Variants in SBF1 observed in about 807,000 individuals in gnomAD.
The protein encoded by SBF1 is myotubularin-related protein 5.
SBF1 carries 65 observed loss-of-function variants against 215.8 expected under a neutral mutation model. The observed-to-expected ratio is 0.30, with a 90% CI of 0.25 to 0.37. The LOEUF (loss-of-function observed/expected upper bound fraction) is 0.37, where lower values mean the gene tolerates loss of function less well. Among genes scored for constraint, SBF1 ranks in the 10% least tolerant of loss-of-function variants. SBF1 has a pLI of 1.00. For synonymous variants in SBF1, 1,410 were observed against 1,122.8 expected, an observed-to-expected ratio of 1.26 and a Z score of -5.11; for missense variants, 2,634 against 2,667.8, an observed-to-expected ratio of 0.99 and a Z score of 0.28.
At chr22:50,463,147 C>A in intron 16 of SBF1, 136 bp downstream of exon 16, 2 of 1,258,354 alleles carry the variant, frequency 1.6e-6, no homozygotes, top group Non-Finnish European at 2.2e-6. Flanking sequence ...CTGTTCCCTG[C>A]AGACCGAGGA....
At chr22:50,464,969 CA>C in intron 12 of SBF1, 31 bp downstream of exon 12, 1 of 1,613,756 alleles carries the variant, frequency 6.2e-7, no homozygotes. Context: ...GGAGCCAGGG[CA>C]GGGGGCTGGG....
At chr22:50,467,236 G>C (rs1010415697) in intron 5 of SBF1, 102 bp downstream of exon 5, 1 of 937,916 alleles carries the variant, frequency 1.1e-6, no homozygotes, top group Non-Finnish European at 1.7e-6. Flanking sequence ...GAGCATCCAA[G>C]GCCTCCAGCT....
In SBF1 at chr22:50,461,869, T is replaced by C. The variant is rs777471295; in HGVS notation, c.2570A>G (p.Asp857Gly). Reference sequence around the variant, plus strand: ...GGTCTCGATGTGCATCTGGACAATGTCTGGGGGAAGACAGTTCTCACACTT... The same window carrying C: ...GGTCTCGATGTGCATCTGGACAATGCCTGGGGGAAGACAGTTCTCACACTT... The part of the protein sequence containing the change: ...HLKGLHVMVP[D>G]IVQMHIETLE... Residue 857 changes from aspartate (D) to glycine (G), a missense_variant and splice_region_variant, in exon 21 of 41, where the codon GAC (aspartate) becomes GGC (glycine). Coordinates refer to ENST00000380817, the MANE Select transcript of SBF1 (RefSeq NM_002972.4). 2 of 1,613,974 alleles carry C rather than the reference T, an allele frequency of 1.2e-6. No individual in the cohort carries two copies. The highest frequency in any genetic ancestry group is 1.7e-6 in the Non-Finnish European group (2 of 1,180,022).
rs1477383875 is a variant in SBF1, at chr22:50,445,328, A to ACTT, written c.*1811_*1813dup. 2 of 152,310 alleles carry ACTT rather than the reference A, an allele frequency of 1.3e-5. No homozygotes were observed. Among genetic ancestry groups the ACTT allele is most frequent in the African/African-American group, 4.8e-5 (2 of 41,410 alleles). 9.4% of individuals were successfully genotyped at this position (152,310 alleles called of 1,614,324 possible). On this transcript the variant is annotated 3_prime_UTR_variant, in exon 41 of 41. Transcript: ENST00000380817. ...AACGCTCAAACACATCAACCCCAGG[A>ACTT]CTTCCTTTTGTGCCAGCTCCCCCTC...
Position 50,448,563 on chromosome 22 carries a change from C to T in SBF1, c.5131G>A (p.Glu1711Lys), listed in dbSNP as rs559398253. 5 of 1,612,084 alleles carry T rather than the reference C, an allele frequency of 3.1e-6. No homozygotes were observed. The highest frequency in any genetic ancestry group is 4.2e-6 in the Non-Finnish European group (5 of 1,179,926). The change falls in exon 37 of 41, where the codon GAG becomes AAG. Residue 1711 changes from glutamate to lysine, a missense_variant. Transcript: ENST00000380817. ...WDRVKAAQRL[E>K]GRPDGRGTPS... ...CTCACACGGCCGTCTGGCCGGCCCT[C>T]GAGGCGCTGTGCAGCCTTCACCCGG...
At position 50,455,086 on chromosome 22, in the gene SBF1, G is replaced by A. The variant is rs745827632; in HGVS notation, c.4611C>T (p.Leu1537=). 33 of 1,614,084 alleles carry A rather than the reference G, an allele frequency of 2.0e-5. No individual in the cohort carries two copies. Among genetic ancestry groups the A allele is most frequent in the Middle Eastern group, 1.7e-4 (1 of 6,060 alleles). Residue 1537 remains leucine (L), a synonymous_variant, in exon 34 of 41, where the codon CTC becomes CTT. Coordinates refer to ENST00000380817, the MANE Select transcript of SBF1 (RefSeq NM_002972.4). ...FEFSQFYLKF[L]GYHHVSRRFR... Reference sequence around the variant, plus strand: ...AACGGCGGGACACATGGTGGTAGCCGAGGAACTTGAGGTAGAACTGGCTGA... The same window carrying A: ...AACGGCGGGACACATGGTGGTAGCCAAGGAACTTGAGGTAGAACTGGCTGA...
At chr22:50,466,581 C>A (rs765278224) in intron 6 of SBF1, 24 bp downstream of exon 6, 5 of 1,537,878 alleles carry the variant, frequency 3.3e-6, no homozygotes, top group Admixed American at 2.0e-5. Flanking sequence ...GGAAGCCATG[C>A]GGGGGTGGGA....
chr22:50,473,790 A>T (rs1055145978), intron 1 of SBF1, among the ~76,000 whole-genome samples: 4 of 152,154 alleles, frequency 2.6e-5, no homozygotes, highest in African/African-American at 7.2e-5. Flanking sequence ...ATCCCCACAC[A>T]CTGCCAGTCT....
intron 7 of SBF1, 26 bp from the exon 8 acceptor site, chr22:50,466,284 G>C (rs1449661742): frequency 6.2e-7 from 1 of 1,612,996 alleles, no homozygotes; most frequent in African/African-American, 1.3e-5. Context: ...AGGATGCAGT[G>C]AGCCAGGGGA....
chr22:50,474,680 C>A, intron 1 of SBF1, 106 bp downstream of exon 1: 1 of 964,662 alleles, frequency 1.0e-6, no homozygotes, highest in Non-Finnish European at 1.5e-6. Context: ...ACCCAGCCCC[C>A]AGCCCTCGGC....
intron 36 of SBF1, among the ~76,000 whole-genome samples, chr22:50,450,653 G>A (rs909069111): frequency 2.0e-5 from 3 of 152,224 alleles, no homozygotes; most frequent in African/African-American, 7.2e-5. Context: ...CTGAAGCCCT[G>A]GAGAGGCCAC....
At chr22:50,473,118 G>A (rs983430797) in intron 1 of SBF1, among the ~76,000 whole-genome samples, 2 of 149,290 alleles carry the variant, frequency 1.3e-5, no homozygotes, top group African/African-American at 5.1e-5. Context: ...TCTTCTCTCT[G>A]CCTACCTTCA....
chr22:50,456,762 T>G (rs1468806300), intron 29 of SBF1, 89 bp from the exon 30 acceptor site: 1 of 1,202,502 alleles, frequency 8.3e-7, no homozygotes, highest in African/African-American at 1.5e-5. Context: ...GGGAGGGGGC[T>G]GAGCTCCCAG....
chr22:50,474,965 C>CGCGGCGGCG lies in SBF1; in HGVS notation c.-134_-126dup, dbSNP rs71198252. Reference sequence around the variant, plus strand: ...CACCCCGGACACCCCTGGTTCGCTCCGCGGCGGCGGCGGCGGCGGCGGCGG... The same window carrying CGCGGCGGCG: ...CACCCCGGACACCCCTGGTTCGCTCCGCGGCGGCGGCGGCGGCGGCGGCGGCGGCGGCGG... On this transcript the variant is annotated 5_prime_UTR_variant, in exon 1 of 41. Transcript: ENST00000380817. 3.1e-4 allele frequency: 87 copies of CGCGGCGGCG among 276,828 alleles called. No homozygotes were observed. The highest frequency in any genetic ancestry group is 1.4e-3 in the Middle Eastern group (1 of 708). The allele number at this position is 276,828 out of a possible 1,614,324, so 17.1% of individuals were successfully genotyped here.
intron 28 of SBF1, among the ~76,000 whole-genome samples, chr22:50,458,550 G>C (rs574524501): frequency 6.6e-6 from 1 of 152,192 alleles, no homozygotes; most frequent in African/African-American, 2.4e-5. Flanking sequence ...CAGCAAGACA[G>C]GGCGATTGTA....
In SBF1 at chr22:50,461,584, C is replaced by T; in HGVS notation, c.2778G>A (p.Glu926=). 1 of 1,612,072 alleles carries T rather than the reference C, an allele frequency of 6.2e-7. No homozygotes were observed. The highest frequency in any genetic ancestry group is 8.5e-7 in the Non-Finnish European group (1 of 1,179,568). The change falls in exon 22 of 41, where the codon GAG becomes GAA. Residue 926 remains glutamate (E), a synonymous_variant. Transcript: ENST00000380817. ...GGTACGTGGTGAGGAAGACGGCGCC[C>T]TCAGCTGGGAGCAATGCTGGTCCCC... ...SAGGPALLPA[E]GAVFLTTYRV... is the part of the protein sequence containing the mutation.
intron 1 of SBF1, among the ~76,000 whole-genome samples, chr22:50,471,483 C>T (rs2067992524): frequency 6.6e-6 from 1 of 152,194 alleles, no homozygotes; most frequent in African/African-American, 2.4e-5. Context: ...TCCTGTTTCC[C>T]CACCACACTC....
Position 50,455,245 on chromosome 22 carries a change from C to T in SBF1, c.4533G>A (p.Gln1511=). The T allele has an allele frequency of 6.2e-7, 1 of 1,613,142 alleles. No homozygotes were observed. Among genetic ancestry groups the T allele is most frequent in the Non-Finnish European group, 8.5e-7 (1 of 1,179,642 alleles). Residue 1511 remains glutamine, a synonymous_variant, in exon 33 of 41, where the codon CAG becomes CAA. Transcript: ENST00000380817. ...QSSGFTPVFL[Q]FLDCVHQVHL... is the part of the protein sequence containing the mutation. Reference sequence around the variant, plus strand: ...CCACCTGGTGTACGCAGTCCAGGAACTGCAGGAAGACGGGTGTGAAGCCGC... The same window carrying T: ...CCACCTGGTGTACGCAGTCCAGGAATTGCAGGAAGACGGGTGTGAAGCCGC...
At position 50,464,830 on chromosome 22, in the gene SBF1, G is replaced by A. The variant is rs770177294; in HGVS notation, c.1420C>T (p.Leu474Phe). 18 of 1,613,662 alleles carry A rather than the reference G, an allele frequency of 1.1e-5. No individual in the cohort carries two copies. The South Asian group carries it at 1.8e-4, about 16-fold the overall frequency. Reference protein sequence around the residue: ...LRHVQELAEQLYKNENPYPAV... With the variant: ...LRHVQELAEQFYKNENPYPAV... ...TGCTACCCTCGTACGTTCTTGTAGAGCTGCTCTGCCAGTTCCTGGACGTGA... is the reference window on the plus strand; with the variant it reads ...TGCTACCCTCGTACGTTCTTGTAGAACTGCTCTGCCAGTTCCTGGACGTGA... The change falls in exon 13 of 41, where the codon CTC (leucine) becomes TTC (phenylalanine). Residue 474 changes from leucine (L) to phenylalanine (F), a missense_variant. Leu to Phe is a conservative substitution (Grantham distance 22). Coordinates refer to ENST00000380817, the MANE Select transcript of SBF1 (RefSeq NM_002972.4).
Sources: gnomAD v4.1 joint callset for allele counts (sites outside exome capture counted in the v4.1 genomes callset) on GRCh38, gnomAD v4.1.1 for gene constraint, MANE v1.5 for transcripts, NCBI Gene and HGNC (gene_info 2026-07-23, HGNC 2026-07-21) for gene names.